The following NUCB2 variants were observed in gnomAD, a reference collection of about 807,000 sequenced individuals.
The protein encoded by NUCB2 is nucleobindin-2.
Under a neutral mutation model 57.9 loss-of-function variants are expected in NUCB2, and 48 were observed. That is an observed-to-expected ratio of 0.83 (90% CI 0.66 to 1.05). The LOEUF is 1.05. Ranked by LOEUF, NUCB2 falls within the 50% of genes least tolerant of loss-of-function variation. NUCB2 has a pLI of 0.00. For missense variants in NUCB2, 442 were observed against 476.2 expected (o/e 0.93, Z 0.67); for synonymous variants, 139 against 152.1 (o/e 0.91, Z 0.64).
In NUCB2 at chr11:17,331,582, T is replaced by C. The variant is rs994924238; in HGVS notation, c.*163T>C. On this transcript the variant is annotated 3_prime_UTR_variant, in exon 14 of 14. Transcript: ENST00000529010. The stretch of plus-strand genomic sequence containing the variant: ...AAACACTTTTTTTGGGACACAGATA[T>C]TAAAGGATTGAAGTTTATCAGAACC... The C allele has an allele frequency of 9.4e-6, 4 of 426,552 alleles. No homozygotes were observed. The highest frequency in any genetic ancestry group is 6.1e-5 in the African/African-American group (3 of 48,788). 26.4% of individuals were successfully genotyped at this position (426,552 alleles called of 1,614,324 possible).
At chr11:17,316,699 T>C (rs748539562) in intron 11 of NUCB2, among the ~76,000 whole-genome samples, 1 of 152,192 alleles carries the variant, frequency 6.6e-6, no homozygotes, top group South Asian at 2.1e-4. Flanking sequence ...AATGAATGCA[T>C]AGACAACTTG....
At chr11:17,331,170 A>C (rs1951356702) in intron 13 of NUCB2, 187 bp downstream of exon 13, 1 of 576,460 alleles carries the variant, frequency 1.7e-6, no homozygotes, top group Non-Finnish European at 3.0e-6. Context: ...ATGTAGCAGC[A>C]AATTTTAAGT....
rs61881921 is a variant in NUCB2 at position 17,282,248 on chromosome 11, A to C, written c.-155-541A>C. ...TCTATCTATCTATCTATATATATATATATATATATATTTTTTTTTTTTTTT... is the reference window on the plus strand; with the variant it reads ...TCTATCTATCTATCTATATATATATCTATATATATATTTTTTTTTTTTTTT... On this transcript the variant is annotated intron_variant, in intron 1 of 13. Coordinates refer to ENST00000529010, the MANE Select transcript of NUCB2 (RefSeq NM_005013.4). Among the ~76,000 whole-genome samples the C allele has an allele frequency of 5.5e-3, 448 of 81,700 alleles. 2 individuals carry two copies. The highest frequency in any genetic ancestry group is 9.7e-3 in the Middle Eastern group (2 of 206). 53.6% of individuals were successfully genotyped at this position (81,700 alleles called of 152,430 possible).
At chr11:17,283,020 A>C (rs1191449933) in intron 2 of NUCB2, 77 bp downstream of exon 2, 7 of 152,230 alleles carry the variant, frequency 4.6e-5, no homozygotes, top group Non-Finnish European at 1.0e-4. Flanking sequence ...ACAAAAAAGG[A>C]AAAACCAAAA....
rs996851663 is a variant in NUCB2 at position 17,330,968 on chromosome 11, T to C, written c.1240T>C (p.Leu414=). 1.9e-6 allele frequency: 3 copies of C among 1,609,086 alleles called. No homozygotes were observed. Among genetic ancestry groups the C allele is most frequent in the Non-Finnish European group, 1.7e-6 (2 of 1,176,560 alleles). Residue 414 remains leucine, a synonymous_variant, in exon 13 of 14, where the codon TTG becomes CTG. Coordinates refer to ENST00000529010, the MANE Select transcript of NUCB2 (RefSeq NM_005013.4). This position sits in a 1 kb window ranked among gnomAD's most constrained non-coding sequence, Gnocchi z 4.3. ...TCCTCCATCAGGGCCAGCTGGAGAA[T>C]TGAAGTTTGAGCCACGTGTGTAATT... ...GIPPSGPAGE[L]KFEPHI
intron 2 of NUCB2, among the ~76,000 whole-genome samples, chr11:17,338,750 G>A (rs189489824): frequency 2.0e-5 from 3 of 151,712 alleles, no homozygotes; most frequent in Admixed American, 1.3e-4. Flanking sequence ...TGTAACCTCC[G>A]CCTCCCAGGG....
At chr11:17,329,997 C>A in intron 11 of NUCB2, 130 bp from the exon 12 acceptor site, 1 of 453,116 alleles carries the variant, frequency 2.2e-6, no homozygotes. Context: ...ATTTCCCCTT[C>A]CTTCTTACCT....
At chr11:17,335,366 G>A (rs149187891), downstream of NUCB2, among the ~76,000 whole-genome samples, 3 of 151,854 alleles carry the variant, frequency 2.0e-5, no homozygotes, top group African/African-American at 7.3e-5. Flanking sequence ...AGTAAATGAT[G>A]GATATTAATG....
chr11:17,343,301 G>C (rs1286390955), intron 2 of NUCB2, among the ~76,000 whole-genome samples: 1 of 152,062 alleles, frequency 6.6e-6, no homozygotes, highest in South Asian at 2.1e-4. Context: ...TTGATTTAAT[G>C]GTGAGAGAGA....
At chr11:17,312,591 C>T (rs915000008) in intron 10 of NUCB2, among the ~76,000 whole-genome samples, 30 of 151,650 alleles carry the variant, frequency 2.0e-4, no homozygotes, top group African/African-American at 7.0e-4. Flanking sequence ...TTAGTAGAGA[C>T]AGGGTTTCAG....
At chr11:17,295,039 ACT>A (rs1208862267) in intron 2 of NUCB2, among the ~76,000 whole-genome samples, 2 of 152,050 alleles carry the variant, frequency 1.3e-5, no homozygotes, top group African/African-American at 4.8e-5. Flanking sequence ...CAAGAGTGAA[ACT>A]CTGTCTCAAA....
chr11:17,320,549 C>T (rs1447646605), intron 11 of NUCB2, among the ~76,000 whole-genome samples: 3 of 152,002 alleles, frequency 2.0e-5, no homozygotes, highest in Admixed American at 6.6e-5. Flanking sequence ...CCCAGCTGCT[C>T]GGGAGGCTGA....
downstream of NUCB2, among the ~76,000 whole-genome samples, chr11:17,336,967 G>C (rs951570018): frequency 1.2e-4 from 18 of 151,594 alleles, no homozygotes; most frequent in African/African-American, 4.4e-4. Flanking sequence ...TAGAGATGGG[G>C]TCTCTCTCTG....
At chr11:17,318,834 A>G (rs1195391006) in intron 11 of NUCB2, among the ~76,000 whole-genome samples, 1 of 152,152 alleles carries the variant, frequency 6.6e-6, no homozygotes, top group African/African-American at 2.4e-5. Context: ...TTGCTTTTCA[A>G]AAGACTTACG....
intron 2 of NUCB2, among the ~76,000 whole-genome samples, chr11:17,344,916 G>A (rs577790647): frequency 6.6e-6 from 1 of 152,328 alleles, no homozygotes; most frequent in East Asian, 1.9e-4. Flanking sequence ...GGAGGCTGAA[G>A]GTGGAAGATG....
At chr11:17,291,893 C>T (rs75885999) in intron 2 of NUCB2, among the ~76,000 whole-genome samples, 1 of 152,072 alleles carries the variant, frequency 6.6e-6, no homozygotes, top group Non-Finnish European at 1.5e-5. Flanking sequence ...TCTCAGCAAC[C>T]AGGCCTGCTA....
chr11:17,313,766 C>T (rs937880396), intron 10 of NUCB2, among the ~76,000 whole-genome samples: 1 of 152,114 alleles, frequency 6.6e-6, no homozygotes, highest in Non-Finnish European at 1.5e-5. Flanking sequence ...TTTCCTCATA[C>T]CTCACTCTCT....
intron 2 of NUCB2, among the ~76,000 whole-genome samples, chr11:17,285,558 C>G (rs1400532927): frequency 1.4e-5 from 2 of 143,454 alleles, no homozygotes; most frequent in South Asian, 4.4e-4. Context: ...GCCTGTGCAA[C>G]AGAGCGAGAC....
At chr11:17,316,056 T>A (rs1444467609) in intron 11 of NUCB2, among the ~76,000 whole-genome samples, 1 of 152,166 alleles carries the variant, frequency 6.6e-6, no homozygotes, top group African/African-American at 2.4e-5. Flanking sequence ...CACTGCAACC[T>A]CCGCCTCCCA....
Sources: allele counts gnomAD v4.1 joint callset (sites outside exome capture counted in the v4.1 genomes callset), GRCh38; gene constraint gnomAD v4.1.1; non-coding constraint Gnocchi (gnomAD v3.1); transcripts MANE v1.5; gene names NCBI Gene and HGNC (gene_info 2026-07-23, HGNC 2026-07-21).